The following EDIL3 variants were observed in gnomAD, a reference collection of about 807,000 sequenced individuals.
EDIL3 encodes EGF like and discoidin domains 3.
In EDIL3, 37 loss-of-function variants were observed where a neutral mutation model predicts 67.4. The ratio of observed to expected loss-of-function variants is 0.55; its 90% CI spans 0.42 to 0.72. The LOEUF is 0.72. EDIL3 is among the 30% of genes least tolerant of loss of function. EDIL3 has a pLI of 0.00. For synonymous variants in EDIL3, 195 were observed against 196.3 expected, an observed-to-expected ratio of 0.99 and a Z score of 0.05; for missense variants, 527 against 586.3, an observed-to-expected ratio of 0.90 and a Z score of 1.04.
chr5:84,062,210 T>C (rs1323971204), intron 8 of EDIL3, among the ~76,000 whole-genome samples: 1 of 152,040 alleles, frequency 6.6e-6, no homozygotes, highest in Non-Finnish European at 1.5e-5. Context: ...GTCTAGAAAA[T>C]TCTAACAGGC....
chr5:83,951,065 G>T (rs1368428653), intron 10 of EDIL3, among the ~76,000 whole-genome samples: 1 of 151,668 alleles, frequency 6.6e-6, no homozygotes, highest in East Asian at 2.0e-4. Flanking sequence ...ATTTCTCCAT[G>T]AAACTACCTG....
intron 1 of EDIL3, among the ~76,000 whole-genome samples, chr5:84,362,942 C>T (rs1185965769): frequency 6.6e-6 from 1 of 151,902 alleles, no homozygotes; most frequent in African/African-American, 2.4e-5. Context: ...ATTTTAGCAA[C>T]AATTTTATGT....
intron 9 of EDIL3, among the ~76,000 whole-genome samples, chr5:83,964,418 T>C (rs1460673587): frequency 6.6e-6 from 1 of 151,954 alleles, no homozygotes; most frequent in Non-Finnish European, 1.5e-5. Context: ...GATCTTATCA[T>C]CTTTAACTGT....
intron 3 of EDIL3, among the ~76,000 whole-genome samples, chr5:84,192,570 T>C (rs1403005618): frequency 1.3e-5 from 2 of 152,028 alleles, no homozygotes; most frequent in Non-Finnish European, 2.9e-5. Flanking sequence ...TTATTTTTAT[T>C]CCCTTCACAA....
chr5:84,134,606 C>T (rs1230198208), intron 5 of EDIL3, among the ~76,000 whole-genome samples: 1 of 152,098 alleles, frequency 6.6e-6, no homozygotes, highest in Non-Finnish European at 1.5e-5. Flanking sequence ...AATCATTACC[C>T]CTTTTTACTC....
At chr5:84,154,693 CTTTTTTT>C (rs397881707) in intron 4 of EDIL3, among the ~76,000 whole-genome samples, 2 of 92,294 alleles carry the variant, frequency 2.2e-5, no homozygotes, top group African/African-American at 4.2e-5. Flanking sequence ...TCTGCTTCTG[CTTTTTTT>C]TTTTTTTTTT....
intron 9 of EDIL3, among the ~76,000 whole-genome samples, chr5:83,993,532 G>A (rs1011557574): frequency 6.6e-6 from 1 of 152,136 alleles, no homozygotes; most frequent in African/African-American, 2.4e-5. Flanking sequence ...CCCTTGGGGT[G>A]CACCATATTC....
Position 84,055,249 on chromosome 5 carries a change from T to C in EDIL3, c.1137+5051A>G, listed in dbSNP as rs1383435827. 2.0e-5 allele frequency among the ~76,000 whole-genome samples: 3 copies of C among 146,606 alleles called. No homozygotes were observed. The East Asian group carries it at 6.0e-4, about 29-fold the overall frequency. ...AACAAATGGTGCTGGGAAAACTGGC[T>C]AGCCATATGTAGAAAGCTGAAACTG... On this transcript the variant is annotated intron_variant, in intron 9 of 10. Coordinates refer to ENST00000296591, the MANE Select transcript of EDIL3 (RefSeq NM_005711.5).
rs568607265 is a variant in EDIL3 at position 83,955,113 on chromosome 5, T to C, written c.1293+8092A>G. Reference sequence around the variant, plus strand: ...ACTTAAATAAAAGCATGAGTAACTTTTTTCACTGAGAAATATTGTCATTAT... The same window carrying C: ...ACTTAAATAAAAGCATGAGTAACTTCTTTCACTGAGAAATATTGTCATTAT... On this transcript the variant is annotated intron_variant, in intron 10 of 10. Coordinates refer to ENST00000296591, the MANE Select transcript of EDIL3 (RefSeq NM_005711.5). 5.9e-5 allele frequency among the ~76,000 whole-genome samples: 9 copies of C among 151,898 alleles called. No homozygotes were observed. In the South Asian group the frequency reaches 1.7e-3, roughly 28 times the overall value.
chr5:83,952,150 T>C (rs1016608898), intron 10 of EDIL3, among the ~76,000 whole-genome samples: 1 of 151,802 alleles, frequency 6.6e-6, no homozygotes, highest in African/African-American at 2.4e-5. Context: ...TGTTACCTTT[T>C]GTTATTAGGT....
intron 1 of EDIL3, among the ~76,000 whole-genome samples, chr5:84,291,418 T>C (rs150656768): frequency 5.5e-4 from 84 of 152,166 alleles, no homozygotes; most frequent in Non-Finnish European, 9.7e-4. Flanking sequence ...TTTGAAAATA[T>C]AGGTATATAT....
chr5:84,120,673 T>A (rs931867556), intron 5 of EDIL3, among the ~76,000 whole-genome samples: 4 of 151,990 alleles, frequency 2.6e-5, no homozygotes, highest in African/African-American at 9.7e-5. Flanking sequence ...TATCCAAATA[T>A]CATCCTGACT....
At chr5:84,054,388 A>G (rs1351936241) in intron 9 of EDIL3, among the ~76,000 whole-genome samples, 9 of 152,216 alleles carry the variant, frequency 5.9e-5, no homozygotes, top group Non-Finnish European at 1.0e-4. Context: ...ATTCCCTTTG[A>G]AAACTGCCAC....
At chr5:84,383,264 G>C (rs1007608230) in intron 1 of EDIL3, among the ~76,000 whole-genome samples, 1 of 151,950 alleles carries the variant, frequency 6.6e-6, no homozygotes, top group Non-Finnish European at 1.5e-5. Flanking sequence ...GCTCCCACTC[G>C]CCTCCCCACA....
At chr5:84,215,633 C>T (rs1744213413) in intron 3 of EDIL3, among the ~76,000 whole-genome samples, 1 of 152,090 alleles carries the variant, frequency 6.6e-6, no homozygotes, top group South Asian at 2.1e-4. Context: ...AATGTGTGAA[C>T]TTTTTAGAGA....
chr5:84,214,713 A>C (rs1274495352), intron 3 of EDIL3, among the ~76,000 whole-genome samples: 1 of 151,720 alleles, frequency 6.6e-6, no homozygotes, highest in African/African-American at 2.4e-5. Context: ...GGAAGAACTA[A>C]GTGTGGTTTG....
chr5:84,359,157 T>C (rs951024425), intron 1 of EDIL3, among the ~76,000 whole-genome samples: 2 of 152,296 alleles, frequency 1.3e-5, no homozygotes, highest in Non-Finnish European at 2.9e-5. Context: ...TTTAAATATG[T>C]GGAGTGAAAT....
chr5:83,957,058 C>G (rs1744528591), intron 10 of EDIL3, among the ~76,000 whole-genome samples: 1 of 151,566 alleles, frequency 6.6e-6, no homozygotes, highest in Non-Finnish European at 1.5e-5. Context: ...TTACTGAATC[C>G]TAGTGTTTTG....
intron 1 of EDIL3, among the ~76,000 whole-genome samples, chr5:84,281,855 C>CTTTTTTTTTT (rs10708663): frequency 4.1e-5 from 3 of 72,574 alleles, no homozygotes; most frequent in African/African-American, 5.9e-5. Context: ...TTTTATTTCA[C>CTTTTTTTTTT]TTTTTTTTTT....
Sources: gnomAD v4.1 joint callset for allele counts (sites outside exome capture counted in the v4.1 genomes callset) on GRCh38, gnomAD v4.1.1 for gene constraint, MANE v1.5 for transcripts, NCBI Gene and HGNC (gene_info 2026-07-23, HGNC 2026-07-21) for gene names.